Variants in ABI3BP observed in about 807,000 individuals in gnomAD.
ABI3BP encodes target of Nesh-SH3.
Under a neutral mutation model 268.6 loss-of-function variants are expected in ABI3BP, and 216 were observed. That is an observed-to-expected ratio of 0.80 (90% CI 0.72 to 0.90). The LOEUF is 0.90. Among genes scored for constraint, ABI3BP ranks in the 40% least tolerant of loss-of-function variants. The pLI is 0.00. For missense variants in ABI3BP, 2,090 were observed against 2,182.4 expected (o/e 0.96, Z 0.84); for synonymous variants, 730 against 730.0 (o/e 1.00, Z 0.00).
intron 1 of ABI3BP, among the ~76,000 whole-genome samples, chr3:100,978,299 T>C (rs1275641386): frequency 2.6e-5 from 4 of 152,222 alleles, no homozygotes; most frequent in Non-Finnish European, 5.9e-5. Flanking sequence ...AACATTCACA[T>C]GAAGTATCAA....
chr3:100,902,309 G>T (rs887206168), intron 3 of ABI3BP, among the ~76,000 whole-genome samples: 1 of 152,166 alleles, frequency 6.6e-6, no homozygotes, highest in Non-Finnish European at 1.5e-5. Context: ...TACAGGCCAG[G>T]CACTGTCCTT....
At position 100,813,729 on chromosome 3, in the gene ABI3BP, G is replaced by C; in HGVS notation, c.3296C>G (p.Thr1099Ser). ...TDAPGTTFAL[T>S]ELQTLILKPV... The stretch of plus-strand genomic sequence containing the variant: ...TTTCAAAATAAGAGTTTGCAGTTCA[G>C]TCAGAGCTGAAAGAAGAGGGTCTCA... The change falls in exon 45 of 68, where the codon ACT becomes AGT. Residue 1099 changes from threonine (T) to serine (S), a missense_variant. Thr to Ser is a moderately conservative substitution (Grantham distance 58). Coordinates refer to ENST00000471714, the MANE Select transcript of ABI3BP (RefSeq NM_001375547.2). 1 of 1,535,156 alleles carries C rather than the reference G, an allele frequency of 6.5e-7. No individual in the cohort carries two copies. Among genetic ancestry groups the C allele is most frequent in the Non-Finnish European group, 8.7e-7 (1 of 1,146,238 alleles).
At position 100,781,646 on chromosome 3, in the gene ABI3BP, G is replaced by A. The variant is rs556380951; in HGVS notation, c.4163-1437C>T. Among the ~76,000 whole-genome samples, 68 of 152,192 alleles carry A rather than the reference G, an allele frequency of 4.5e-4. 1 individual carries two copies. Among genetic ancestry groups the A allele is most frequent in the Admixed American group, 2.4e-3 (37 of 15,294 alleles). ...GGTCACTGGGGTAACTTGGCTTGCCGAGGTTTGGTTTACCACGATTTCTCC... is the reference window on the plus strand; with the variant it reads ...GGTCACTGGGGTAACTTGGCTTGCCAAGGTTTGGTTTACCACGATTTCTCC... On this transcript the variant is annotated intron_variant, in intron 57 of 67. Coordinates refer to ENST00000471714, the MANE Select transcript of ABI3BP (RefSeq NM_001375547.2).
Position 100,824,887 on chromosome 3 carries a change from G to T in ABI3BP, c.2717C>A (p.Pro906Gln), listed in dbSNP as rs200713686. 1.3e-6 allele frequency: 2 copies of T among 1,535,940 alleles called. No homozygotes were observed. The highest frequency in any genetic ancestry group is 3.9e-5 in the Admixed American group (2 of 50,952). Residue 906 changes from proline (P) to glutamine (Q), a missense_variant, in exon 36 of 68, where the codon CCG (proline) becomes CAG (glutamine). By Grantham distance (76) the Pro-to-Gln change is moderately conservative (BLOSUM62 -1). Transcript: ENST00000471714. ...TTTGGTCTCAGGTGCCTGAGGGCTC[G>T]GTGTAGTTTTAGGTCTGGGACGTGG... ...RPPRPRPKTTPSPQAPETKPV... is the reference protein window; with the variant it reads ...RPPRPRPKTTQSPQAPETKPV...
At chr3:100,829,515 T>C in intron 33 of ABI3BP, 66 bp downstream of exon 33, 1 of 1,416,066 alleles carries the variant, frequency 7.1e-7, no homozygotes, top group Non-Finnish European at 9.6e-7. Context: ...GCCCAGCTAC[T>C]TCATTCTCTT....
chr3:100,817,726 T>G (rs1417492221), intron 41 of ABI3BP, among the ~76,000 whole-genome samples: 1 of 152,226 alleles, frequency 6.6e-6, no homozygotes, highest in African/African-American at 2.4e-5. Flanking sequence ...ATTATCTGAT[T>G]CTTGCTACAC....
chr3:100,971,877 T>A (rs1379845691), intron 1 of ABI3BP, among the ~76,000 whole-genome samples: 1 of 152,106 alleles, frequency 6.6e-6, no homozygotes, highest in Non-Finnish European at 1.5e-5. Context: ...AAATATATTT[T>A]AAAATGGAAA....
chr3:100,798,638 T>C (rs993681350), intron 51 of ABI3BP, among the ~76,000 whole-genome samples: 22 of 152,118 alleles, frequency 1.4e-4, no homozygotes, highest in African/African-American at 5.3e-4. Context: ...TTGAATAAAG[T>C]GTGCCACTCC....
intron 36 of ABI3BP, 144 bp downstream of exon 36, chr3:100,824,714 G>T: frequency 1.8e-6 from 1 of 553,710 alleles, no homozygotes; most frequent in Non-Finnish European, 3.1e-6. Flanking sequence ...TGAAAGCTGA[G>T]CAGAGGAGAT....
intron 61 of ABI3BP, 27 bp downstream of exon 61, chr3:100,774,578 G>A (rs9846590): frequency 0.13 from 201,738 of 1,531,612 alleles, 14,078 homozygotes; most frequent in Middle Eastern, 0.15. Flanking sequence ...CTTTTCAAAT[G>A]TGAGATTCAC....
At chr3:100,970,139 A>C (rs1292062094) in intron 1 of ABI3BP, among the ~76,000 whole-genome samples, 31 of 152,164 alleles carry the variant, frequency 2.0e-4, no homozygotes, top group Admixed American at 2.0e-3. Flanking sequence ...TATATTGTTA[A>C]AAAAGAAAGG....
rs552148054 is a variant in ABI3BP at position 100,877,276 on chromosome 3, GT to G, written c.697-717del. Among the ~76,000 whole-genome samples the G allele has an allele frequency of 1.9e-3, 294 of 152,290 alleles. 3 individuals carry two copies. The South Asian group carries it at 0.022, about 12-fold the overall frequency. ...CTTTGAAAACCAATCAAGATCAATTGTTTGAGTGTATCCAATTGCTGCTGCT... is the reference window on the plus strand; with the variant it reads ...CTTTGAAAACCAATCAAGATCAATTGTTGAGTGTATCCAATTGCTGCTGCT... On this transcript the variant is annotated intron_variant, in intron 6 of 67. Transcript: ENST00000471714.
At chr3:100,848,317 G>A (rs531439213) in intron 18 of ABI3BP, among the ~76,000 whole-genome samples, 1 of 152,240 alleles carries the variant, frequency 6.6e-6, no homozygotes, top group East Asian at 1.9e-4. Flanking sequence ...TGCTATGAGT[G>A]GGACTTGTTT....
In ABI3BP at chr3:100,978,325, C is replaced by T. The variant is rs115146799; in HGVS notation, c.79+14981G>A. ...GAAGTATCAAATTCATCTTTAGTGT[C>T]ACAATTGTGTCTTTCTTCATTGACC... On this transcript the variant is annotated intron_variant, in intron 1 of 67. Coordinates refer to ENST00000471714, the MANE Select transcript of ABI3BP (RefSeq NM_001375547.2). Among the ~76,000 whole-genome samples, 330 of 152,300 alleles carry T rather than the reference C, an allele frequency of 2.2e-3. 1 individual carries two copies. The highest frequency in any genetic ancestry group is 7.5e-3 in the African/African-American group (313 of 41,564).
chr3:100,963,047 G>C (rs1031975634), intron 1 of ABI3BP, among the ~76,000 whole-genome samples: 11 of 152,114 alleles, frequency 7.2e-5, no homozygotes, highest in African/African-American at 2.7e-4. Flanking sequence ...CACTCATGTA[G>C]TGATGCTGAA....
At chr3:100,866,185 A>T (rs2099049547) in intron 10 of ABI3BP, among the ~76,000 whole-genome samples, 1 of 152,142 alleles carries the variant, frequency 6.6e-6, no homozygotes, top group African/African-American at 2.4e-5. Flanking sequence ...CTAAATATAG[A>T]TTGTGGGAAA....
intron 66 of ABI3BP, 151 bp downstream of exon 66, chr3:100,752,636 T>TA: frequency 1.4e-6 from 1 of 723,414 alleles, no homozygotes; most frequent in South Asian, 2.2e-5. Context: ...CTAGGAATGA[T>TA]AACTGTTTCC....
chr3:100,951,818 C>T (rs926114966), intron 1 of ABI3BP, among the ~76,000 whole-genome samples: 4 of 151,928 alleles, frequency 2.6e-5, no homozygotes, highest in African/African-American at 9.7e-5. Context: ...AGTGAGTTTT[C>T]TTCTTTTCCT....
intron 1 of ABI3BP, among the ~76,000 whole-genome samples, chr3:100,933,034 T>A (rs1291608332): frequency 6.6e-6 from 1 of 152,000 alleles, no homozygotes; most frequent in Non-Finnish European, 1.5e-5. Flanking sequence ...TTATCTTACA[T>A]TCTCCAGAAT....
Sources: allele counts gnomAD v4.1 joint callset (sites outside exome capture counted in the v4.1 genomes callset), GRCh38; gene constraint gnomAD v4.1.1; transcripts MANE v1.5; gene names NCBI Gene and HGNC (gene_info 2026-07-23, HGNC 2026-07-21).